The following CMC2 variants were observed in gnomAD, a reference collection of about 807,000 sequenced individuals.
CMC2 encodes the protein C-X9-C motif containing 2.
CMC2 carries 5 observed loss-of-function variants against 7.5 expected under a neutral mutation model. The observed-to-expected ratio is 0.66, with a 90% CI of 0.35 to 1.40. The LOEUF (loss-of-function observed/expected upper bound fraction) is 1.40. CMC2 is among the 40% of genes most tolerant of loss of function. The pLI is 0.04. For synonymous variants in CMC2, 37 were observed against 31.4 expected, an observed-to-expected ratio of 1.18 and a Z score of -0.60; for missense variants, 115 against 92.3, an observed-to-expected ratio of 1.25 and a Z score of -1.01.
chr16:80,992,827 G>C (rs1160054718), intron 2 of CMC2, among the ~76,000 whole-genome samples: 1 of 151,494 alleles, frequency 6.6e-6, no homozygotes, highest in Non-Finnish European at 1.5e-5. Context: ...AAGTAGCTAG[G>C]ACTACAGGCA....
intron 1 of CMC2, among the ~76,000 whole-genome samples, chr16:81,002,130 A>T (rs1968911140): frequency 6.6e-6 from 1 of 152,210 alleles, no homozygotes; most frequent in African/African-American, 2.4e-5. Context: ...TAAAGAAAAC[A>T]TACACTGGTA....
intron 2 of CMC2, among the ~76,000 whole-genome samples, chr16:80,986,343 C>G (rs1326205795): frequency 6.6e-6 from 1 of 152,054 alleles, no homozygotes; most frequent in East Asian, 1.9e-4. Flanking sequence ...GAGAGAAACT[C>G]TGCCTCAAAA....
intron 2 of CMC2, 133 bp downstream of exon 2, chr16:80,997,181 G>A (rs1968492846): frequency 1.5e-6 from 1 of 651,466 alleles, no homozygotes; most frequent in East Asian, 2.7e-5. Flanking sequence ...CATATCAACT[G>A]CTAATCTTGA....
chr16:80,971,360 T>C lies in CMC2; in HGVS notation c.*4733A>G, dbSNP rs935826372. The C allele has an allele frequency of 2.5e-4, 38 of 151,460 alleles. No individual in the cohort carries two copies. Among genetic ancestry groups the C allele is most frequent in the African/African-American group, 9.2e-4 (38 of 41,158 alleles). 9.4% of individuals were successfully genotyped at this position (151,460 alleles called of 1,614,324 possible). A position where few individuals can be genotyped will look rare whatever the true frequency, so the allele number is the denominator to read the frequency against. ...ATCTAAGTGACCATCTACGGGGAAA[T>C]ACATAAACCGTGGTATAGGCCTACA... On this transcript the variant is annotated 3_prime_UTR_variant, in exon 4 of 4. Transcript: ENST00000219400.
intron 3 of CMC2, chr16:80,980,875 A>G: frequency 1.4e-6 from 1 of 698,912 alleles, no homozygotes; most frequent in East Asian, 2.7e-5. Context: ...TGACAGAGCA[A>G]GAACCTGTCT....
rs549311621 is a variant in CMC2, at chr16:80,986,994, G to A, written c.82-5117C>T. On this transcript the variant is annotated intron_variant, in intron 2 of 3. Transcript: ENST00000219400. ...CTTAAGGAAAACCAGGGAAGAGAAAGTTATGGTAGAAGCCTGTGGAAGAGT... is the reference window on the plus strand; with the variant it reads ...CTTAAGGAAAACCAGGGAAGAGAAAATTATGGTAGAAGCCTGTGGAAGAGT... Among the ~76,000 whole-genome samples, 5 of 152,322 alleles carry A rather than the reference G, an allele frequency of 3.3e-5. No individual in the cohort carries two copies. The South Asian group carries it at 8.3e-4, about 25-fold the overall frequency.
intron 2 of CMC2, among the ~76,000 whole-genome samples, chr16:80,993,311 C>T (rs1456978007): frequency 6.6e-6 from 1 of 152,198 alleles, no homozygotes; most frequent in Non-Finnish European, 1.5e-5. Context: ...TTTCTACCCA[C>T]AGACAATTTC....
At chr16:80,981,991 AC>A in intron 2 of CMC2, 114 bp from the exon 3 acceptor site, 1 of 608,230 alleles carries the variant, frequency 1.6e-6, no homozygotes, top group East Asian at 2.9e-5. Context: ...TTGTTAATAA[AC>A]AAGTAATAGT....
rs1912042090 is a variant in CMC2 at position 80,973,066 on chromosome 16, C to G, written c.*3027G>C. On this transcript the variant is annotated 3_prime_UTR_variant, in exon 4 of 4. Coordinates refer to ENST00000219400, the MANE Select transcript of CMC2 (RefSeq NM_020188.5). ...GTGCGCTTGCTCTAGACAGGAGAAACAGATTTCACTCTGATCTACAGCAGG... is the reference window on the plus strand; with the variant it reads ...GTGCGCTTGCTCTAGACAGGAGAAAGAGATTTCACTCTGATCTACAGCAGG... 1.3e-5 allele frequency: 2 copies of G among 152,356 alleles called. No individual in the cohort carries two copies. Among genetic ancestry groups the G allele is most frequent in the South Asian group, 4.1e-4 (2 of 4,826 alleles). The allele number at this position is 152,356 out of a possible 1,614,324, so 9.4% of individuals were successfully genotyped here.
chr16:80,971,562 TTTTATATA>T lies in CMC2; in HGVS notation c.*4523_*4530del, dbSNP rs1487989591. The T allele has an allele frequency of 1.5e-3, 117 of 76,036 alleles. 6 individuals carry two copies. The highest frequency in any genetic ancestry group is 7.7e-3 in the African/African-American group (110 of 14,214). The allele number at this position is 76,036 out of a possible 1,614,324, so 4.7% of individuals were successfully genotyped here. A position where few individuals can be genotyped will look rare whatever the true frequency, so the allele number is the denominator to read the frequency against. Reference sequence around the variant, plus strand: ...GGCTATGGATACTGACATACATACATTTTATATATATATATATATATATGTATGAAATC... The same window carrying T: ...GGCTATGGATACTGACATACATACATTATATATATATATATGTATGAAATC... On this transcript the variant is annotated 3_prime_UTR_variant, in exon 4 of 4. Coordinates refer to ENST00000219400, the MANE Select transcript of CMC2 (RefSeq NM_020188.5).
intron 2 of CMC2, among the ~76,000 whole-genome samples, chr16:80,995,298 ACTAATGAC>A: frequency 7.8e-6 from 1 of 128,644 alleles, no homozygotes; most frequent in Admixed American, 8.1e-5. Context: ...AAATAAATGA[ACTAATGAC>A]ATGTGCAACA....
chr16:80,983,980 TCAAAAAAAAA>T, intron 2 of CMC2: 1 of 135,420 alleles, frequency 7.4e-6, no homozygotes, highest in South Asian at 2.4e-4. Context: ...AAACTCCATC[TCAAAAAAAAA>T]AAGAAAAAAA....
intron 2 of CMC2, among the ~76,000 whole-genome samples, chr16:80,984,855 C>A (rs1045844220): frequency 4.4e-4 from 67 of 152,288 alleles, no homozygotes; most frequent in African/African-American, 1.6e-3. Context: ...GAATTATACT[C>A]TTGTGATGTT....
chr16:81,005,093 G>A (rs960808367), intron 1 of CMC2, among the ~76,000 whole-genome samples: 1 of 152,286 alleles, frequency 6.6e-6, no homozygotes, highest in Admixed American at 6.5e-5. Context: ...TGAAGAAACT[G>A]TTCTCCAGAA....
chr16:81,000,368 C>T (rs80184875), intron 1 of CMC2, among the ~76,000 whole-genome samples: 95,645 of 151,742 alleles, frequency 0.63, 31,653 homozygotes, highest in Middle Eastern at 0.79. Flanking sequence ...TGGTGGCGGG[C>T]GCCTGTAGTC....
chr16:80,986,272 C>T (rs1567515560), intron 2 of CMC2, among the ~76,000 whole-genome samples: 1 of 152,186 alleles, frequency 6.6e-6, no homozygotes, highest in East Asian at 1.9e-4. Flanking sequence ...ATCGCTTGAA[C>T]CGGAGAGACG....
chr16:81,006,113 C>G (rs1234248697), intron 1 of CMC2, among the ~76,000 whole-genome samples: 1 of 152,124 alleles, frequency 6.6e-6, no homozygotes, highest in African/African-American at 2.4e-5. Flanking sequence ...ACTTCCAAAA[C>G]TGATTTACTT....
chr16:80,988,688 A>G (rs1270346521), intron 2 of CMC2: 3 of 620,504 alleles, frequency 4.8e-6, no homozygotes, highest in Non-Finnish European at 8.6e-6. Flanking sequence ...TATAGACCTT[A>G]TTCAAATTTC....
intron 3 of CMC2, among the ~76,000 whole-genome samples, chr16:80,980,302 A>T (rs1243012677): frequency 7.3e-6 from 1 of 137,058 alleles, no homozygotes; most frequent in Non-Finnish European, 1.6e-5. Context: ...TAAATAATTT[A>T]AAAACACTAA....
Sources: allele counts gnomAD v4.1 joint callset (sites outside exome capture counted in the v4.1 genomes callset), GRCh38; gene constraint gnomAD v4.1.1; transcripts MANE v1.5; gene names NCBI Gene and HGNC (gene_info 2026-07-23, HGNC 2026-07-21).